CPPED1: variants seen among roughly 807,000 people sequenced by gnomAD.
CPPED1 encodes serine/threonine-protein phosphatase CPPED1.
CPPED1 carries 28 observed loss-of-function variants against 28.0 expected under a neutral mutation model. That is an observed-to-expected ratio of 1.00 (90% CI 0.74 to 1.37). CPPED1 has a LOEUF of 1.37. CPPED1 is among the 40% of genes most tolerant of loss of function. The pLI is 0.00. For missense variants in CPPED1, 504 were observed against 416.5 expected (o/e 1.21, Z -1.83); for synonymous variants, 198 against 180.2 (o/e 1.10, Z -0.79).
intron 2 of CPPED1, among the ~76,000 whole-genome samples, chr16:12,780,732 TAA>T (rs11321645): frequency 0.042 from 5,940 of 140,240 alleles, 225 homozygotes; most frequent in East Asian, 0.18. Flanking sequence ...ACACATACCT[TAA>T]AAAAAAAAAA....
intron 2 of CPPED1, among the ~76,000 whole-genome samples, chr16:12,755,276 G>A (rs905390777): frequency 3.3e-5 from 4 of 122,632 alleles, no homozygotes; most frequent in Non-Finnish European, 6.7e-5. Flanking sequence ...CATACAGTAT[G>A]CATTCTTTTT....
intron 3 of CPPED1, among the ~76,000 whole-genome samples, chr16:12,666,017 T>G (rs1255232191): frequency 1.3e-5 from 2 of 152,122 alleles, no homozygotes; most frequent in South Asian, 4.1e-4. Context: ...CTCGGGAGGC[T>G]GAGGCAGGTT....
rs1041919154 is a variant in CPPED1 at position 12,663,534 on chromosome 16, C to T, written c.*1352G>A. On this transcript the variant is annotated 3_prime_UTR_variant, in exon 4 of 4. Transcript: ENST00000381774. Reference sequence around the variant, plus strand: ...TTCTTGTGGCACATAACAATGAACTCTGGTGTCACCAGCCTATTGTATAAT... The same window carrying T: ...TTCTTGTGGCACATAACAATGAACTTTGGTGTCACCAGCCTATTGTATAAT... 2 of 152,210 alleles carry T rather than the reference C, an allele frequency of 1.3e-5. No individual in the cohort carries two copies. The highest frequency in any genetic ancestry group is 2.9e-5 in the Non-Finnish European group (2 of 68,036). The allele number at this position is 152,210 out of a possible 1,614,324, so 9.4% of individuals were successfully genotyped here.
intron 2 of CPPED1, among the ~76,000 whole-genome samples, chr16:12,714,846 T>C (rs1456235632): frequency 6.6e-6 from 1 of 152,326 alleles, no homozygotes; most frequent in East Asian, 1.9e-4. Flanking sequence ...GCTTTTAGCG[T>C]TATATCTAAG....
chr16:12,661,159 C>T lies in CPPED1; in HGVS notation c.*3727G>A, dbSNP rs2079791897. The T allele has an allele frequency of 6.6e-6, 1 of 152,156 alleles. No individual in the cohort carries two copies. Among genetic ancestry groups the T allele is most frequent in the Non-Finnish European group, 1.5e-5 (1 of 68,044 alleles). 9.4% of individuals were successfully genotyped at this position (152,156 alleles called of 1,614,324 possible). Reference sequence around the variant, plus strand: ...GCAAATGATGTTTTGGCAACCTTTTCTCAAAAGATTCTGCATTGGAATACA... The same window carrying T: ...GCAAATGATGTTTTGGCAACCTTTTTTCAAAAGATTCTGCATTGGAATACA... On this transcript the variant is annotated 3_prime_UTR_variant, in exon 4 of 4. Transcript: ENST00000381774.
At chr16:12,767,353 T>G (rs2080445528) in intron 2 of CPPED1, among the ~76,000 whole-genome samples, 1 of 152,196 alleles carries the variant, frequency 6.6e-6, no homozygotes, top group Non-Finnish European at 1.5e-5. Flanking sequence ...ATGCATTGGA[T>G]GATGCCTGCC....
At chr16:12,718,233 G>A (rs2080117865) in intron 2 of CPPED1, among the ~76,000 whole-genome samples, 1 of 152,148 alleles carries the variant, frequency 6.6e-6, no homozygotes, top group African/African-American at 2.4e-5. Context: ...CTATCACACT[G>A]GCAACAATCA....
At chr16:12,676,464 C>T (rs1008706088) in intron 3 of CPPED1, among the ~76,000 whole-genome samples, 1 of 152,160 alleles carries the variant, frequency 6.6e-6, no homozygotes, top group Non-Finnish European at 1.5e-5. Context: ...CTAATGAGGA[C>T]GCTGACCAGG....
At chr16:12,723,001 G>A (rs562042850) in intron 2 of CPPED1, among the ~76,000 whole-genome samples, 1 of 152,178 alleles carries the variant, frequency 6.6e-6, no homozygotes. Context: ...TATTTCAGGA[G>A]TGGGTTATCA....
In CPPED1 at chr16:12,745,430, C is replaced by T. The variant is rs114127128; in HGVS notation, c.289+35755G>A. The stretch of plus-strand genomic sequence containing the variant: ...GACATGGAGTCAACCTAAATGCCCA[C>T]CAACGACAGATTGGATAAAGAAAAT... On this transcript the variant is annotated intron_variant, in intron 2 of 3. Coordinates refer to ENST00000381774, the MANE Select transcript of CPPED1 (RefSeq NM_018340.3). Among the ~76,000 whole-genome samples the T allele has an allele frequency of 7.8e-3, 1,181 of 152,176 alleles. 17 individuals are homozygous for T. The highest frequency in any genetic ancestry group is 0.027 in the African/African-American group (1,118 of 41,512).
At chr16:12,711,919 A>G (rs915701963) in intron 2 of CPPED1, among the ~76,000 whole-genome samples, 1 of 152,086 alleles carries the variant, frequency 6.6e-6, no homozygotes, top group Non-Finnish European at 1.5e-5. Flanking sequence ...ACAGCCCCCT[A>G]CCCAGGGAAG....
At chr16:12,687,894 T>A (rs1418065170) in intron 3 of CPPED1, among the ~76,000 whole-genome samples, 1 of 151,724 alleles carries the variant, frequency 6.6e-6, no homozygotes, top group African/African-American at 2.4e-5. Flanking sequence ...AAGACAGTAA[T>A]AACGTAAACA....
intron 2 of CPPED1, among the ~76,000 whole-genome samples, chr16:12,773,666 A>G (rs888121591): frequency 3.3e-5 from 5 of 152,192 alleles, no homozygotes; most frequent in African/African-American, 1.2e-4. Context: ...GGCTGCAGTG[A>G]GCCGAGATCA....
At chr16:12,790,695 G>C (rs1032173116) in intron 1 of CPPED1, among the ~76,000 whole-genome samples, 1 of 152,012 alleles carries the variant, frequency 6.6e-6, no homozygotes, top group Admixed American at 6.6e-5. Context: ...CCGAGTGGCG[G>C]GGCGGGGGTT....
chr16:12,793,358 G>A (rs1315537632), intron 1 of CPPED1, among the ~76,000 whole-genome samples: 2 of 152,176 alleles, frequency 1.3e-5, no homozygotes, highest in South Asian at 2.1e-4. Flanking sequence ...GTCACCAGAA[G>A]GCTGGAGCGG....
In CPPED1 at chr16:12,737,747, G is replaced by A. The variant is rs577991599; in HGVS notation, c.290-32698C>T. ...AGAAGAAAAGGGACACTGGAGCTGC[G>A]CAGCAAAAGGGCTCTGAGGTCGCCA... On this transcript the variant is annotated intron_variant, in intron 2 of 3. Coordinates refer to ENST00000381774, the MANE Select transcript of CPPED1 (RefSeq NM_018340.3). Among the ~76,000 whole-genome samples, 18 of 152,306 alleles carry A rather than the reference G, an allele frequency of 1.2e-4. No homozygotes were observed. The South Asian group carries it at 2.1e-3, about 18-fold the overall frequency.
chr16:12,757,540 C>G (rs1007732068), intron 2 of CPPED1: 4 of 149,474 alleles, frequency 2.7e-5, no homozygotes, highest in African/African-American at 9.9e-5. Context: ...CTGTTTGTAC[C>G]TCTTGTATTC....
chr16:12,748,806 C>G (rs942087963), intron 2 of CPPED1, among the ~76,000 whole-genome samples: 4 of 151,500 alleles, frequency 2.6e-5, no homozygotes, highest in African/African-American at 9.7e-5. Context: ...TCACTTGAAC[C>G]CAGGAGGCAG....
At chr16:12,726,594 C>T (rs1460911619) in intron 2 of CPPED1, among the ~76,000 whole-genome samples, 4 of 152,066 alleles carry the variant, frequency 2.6e-5, no homozygotes, top group African/African-American at 2.4e-5. Context: ...CTGCCCACCT[C>T]GGCCTCTCAA....
Sources: allele counts gnomAD v4.1 joint callset (sites outside exome capture counted in the v4.1 genomes callset), GRCh38; gene constraint gnomAD v4.1.1; transcripts MANE v1.5; gene names NCBI Gene and HGNC (gene_info 2026-07-23, HGNC 2026-07-21).